The following GABRB3 variants were observed in gnomAD, a reference collection of about 807,000 sequenced individuals.
The protein encoded by GABRB3 is gamma-aminobutyric acid receptor subunit beta-3.
A neutral mutation model predicts 52.1 loss-of-function variants in GABRB3; 14 were observed. The ratio of observed to expected loss-of-function variants is 0.27; its 90% confidence interval spans 0.18 to 0.42. GABRB3 has a LOEUF of 0.42. Among genes scored for constraint, GABRB3 ranks in the 10% least tolerant of loss-of-function variants. GABRB3 has a pLI of 1.00. For synonymous variants in GABRB3, 260 were observed against 232.3 expected (o/e 1.12, Z -1.08); for missense variants, 307 against 609.1 (o/e 0.50, Z 5.22).
At chr15:26,658,988 T>C (rs1421255675) in intron 3 of GABRB3, among the ~76,000 whole-genome samples, 3 of 152,230 alleles carry the variant, frequency 2.0e-5, no homozygotes, top group African/African-American at 7.2e-5. Context: ...TTTCAGTCCC[T>C]GGAATTTGTT....
At chr15:26,685,088 C>T (rs1301327044) in intron 3 of GABRB3, among the ~76,000 whole-genome samples, 1 of 152,212 alleles carries the variant, frequency 6.6e-6, no homozygotes, top group Non-Finnish European at 1.5e-5. Flanking sequence ...TCAGATGACA[C>T]TGAAGCATAG....
intron 3 of GABRB3, among the ~76,000 whole-genome samples, chr15:26,736,198 C>A (rs931572323): frequency 4.6e-5 from 7 of 152,282 alleles, no homozygotes; most frequent in Admixed American, 3.9e-4. Flanking sequence ...ATGCAACTAA[C>A]CTGTGCACTT....
intron 3 of GABRB3, among the ~76,000 whole-genome samples, chr15:26,697,427 T>TG (rs1161994650): frequency 2.6e-5 from 4 of 152,138 alleles, no homozygotes. Context: ...CAATGACCAA[T>TG]GAGTCAATGT....
chr15:26,628,949 G>A lies in GABRB3; in HGVS notation c.241-7415C>T, dbSNP rs779419529. The A allele has an allele frequency of 2.7e-4, 413 of 1,534,680 alleles. 1 individual carries two copies. Among genetic ancestry groups the A allele is most frequent in the Non-Finnish European group, 2.6e-4 (295 of 1,145,574 alleles). ...AAGAGCGCCTCCACTCCTTGTGACT[G>A]CCGAGAGCCCGCGTCCCCGACTTTT... On this transcript the variant is annotated intron_variant, in intron 3 of 8. Coordinates refer to ENST00000311550, the MANE Select transcript of GABRB3 (RefSeq NM_000814.6).
At chr15:26,612,279 T>C (rs1379977623) in intron 4 of GABRB3, 1 of 151,992 alleles carries the variant, frequency 6.6e-6, no homozygotes, top group Non-Finnish European at 1.5e-5. Flanking sequence ...ATAAAAACAA[T>C]TGAAAATGAA....
At chr15:26,694,250 C>G (rs1888669994) in intron 3 of GABRB3, among the ~76,000 whole-genome samples, 1 of 152,172 alleles carries the variant, frequency 6.6e-6, no homozygotes, top group Non-Finnish European at 1.5e-5. Flanking sequence ...CAAATCTATT[C>G]TTCTTCTCTC....
At chr15:26,635,847 G>A (rs986349231) in intron 3 of GABRB3, among the ~76,000 whole-genome samples, 2 of 152,196 alleles carry the variant, frequency 1.3e-5, no homozygotes, top group African/African-American at 4.8e-5. Flanking sequence ...TATTTTTAGA[G>A]AGCAAGTCTA....
intron 3 of GABRB3, among the ~76,000 whole-genome samples, chr15:26,746,445 T>C (rs1890341355): frequency 6.6e-6 from 1 of 152,188 alleles, no homozygotes; most frequent in Non-Finnish European, 1.5e-5. Context: ...TTTGATGAGG[T>C]TCAGTCTACC....
chr15:26,772,261 C>G (rs763579672), intron 3 of GABRB3, 141 bp downstream of exon 3: 2 of 683,430 alleles, frequency 2.9e-6, no homozygotes, highest in Non-Finnish European at 4.7e-6. Flanking sequence ...GAGGGGCCGG[C>G]GCCTGGGAGC....
In GABRB3 at chr15:26,642,525, T is replaced by C. The variant is rs74004629; in HGVS notation, c.241-20991A>G. ...GAATCCTAGCTGTGCAGTTCCTGCA[T>C]AGCCTGCAAAGAAATGAGAAACATG... On this transcript the variant is annotated intron_variant, in intron 3 of 8. Coordinates refer to ENST00000311550, the MANE Select transcript of GABRB3 (RefSeq NM_000814.6). 4,839 of 1,283,430 alleles carry C rather than the reference T, an allele frequency of 3.8e-3. 173 individuals are homozygous for C. In the African/African-American group the frequency reaches 0.067, roughly 18 times the overall value. The allele number at this position is 1,283,430 out of a possible 1,614,324, so 79.5% of individuals were successfully genotyped here.
chr15:26,766,724 C>A (rs1298326943), intron 3 of GABRB3, among the ~76,000 whole-genome samples: 1 of 152,058 alleles, frequency 6.6e-6, no homozygotes, highest in Non-Finnish European at 1.5e-5. Flanking sequence ...TGCAACCTAC[C>A]AGATTTAACT....
chr15:26,624,215 T>G, intron 3 of GABRB3: 2 of 985,602 alleles, frequency 2.0e-6, no homozygotes, highest in Non-Finnish European at 2.4e-6. Flanking sequence ...TACCTTTCGC[T>G]GGTGTGGGCG....
At chr15:26,618,784 T>C (rs1169408012) in intron 4 of GABRB3, among the ~76,000 whole-genome samples, 1 of 152,002 alleles carries the variant, frequency 6.6e-6, no homozygotes, top group Non-Finnish European at 1.5e-5. Context: ...AAAGGGCTAA[T>C]ATCCAGAATC....
At chr15:26,589,814 T>C (rs1891126631) in intron 4 of GABRB3, among the ~76,000 whole-genome samples, 1 of 152,160 alleles carries the variant, frequency 6.6e-6, no homozygotes, top group Non-Finnish European at 1.5e-5. Flanking sequence ...GTAAGTGTCC[T>C]GTAAATATTC....
Position 26,629,095 on chromosome 15 carries a change from C to T in GABRB3, c.241-7561G>A. On this transcript the variant is annotated intron_variant, in intron 3 of 8. Transcript: ENST00000311550. ...CGCTAACCGGAAGTTGTGACTGTCG[C>T]TTCCTCTCCATCTCTGCTCTTTACA... 10 of 1,535,802 alleles carry T rather than the reference C, an allele frequency of 6.5e-6. No homozygotes were observed. In the South Asian group the frequency reaches 1.1e-4, roughly 16 times the overall value.
chr15:26,573,186 G>A (rs1890470380), intron 6 of GABRB3, among the ~76,000 whole-genome samples: 1 of 152,052 alleles, frequency 6.6e-6, no homozygotes, highest in African/African-American at 2.4e-5. Context: ...CTGCAGCCTG[G>A]GAAGCTTTGT....
At chr15:26,674,478 A>AAG (rs935182854) in intron 3 of GABRB3, among the ~76,000 whole-genome samples, 3 of 134,452 alleles carry the variant, frequency 2.2e-5, no homozygotes, top group African/African-American at 7.6e-5. Flanking sequence ...GAAAGAAAGA[A>AAG]AGAGAGAGAG....
intron 5 of GABRB3, among the ~76,000 whole-genome samples, chr15:26,582,387 T>A (rs915024952): frequency 6.6e-6 from 1 of 152,234 alleles, no homozygotes; most frequent in Non-Finnish European, 1.5e-5. Flanking sequence ...CTTAAGATCA[T>A]CCTTCAAATA....
At chr15:26,550,750 A>C (rs568652591) in intron 8 of GABRB3, among the ~76,000 whole-genome samples, 2 of 152,330 alleles carry the variant, frequency 1.3e-5, no homozygotes, top group South Asian at 4.1e-4. Context: ...CCAATACTTT[A>C]ATTTCAGCCT....
Sources: gnomAD v4.1 joint callset for allele counts (sites outside exome capture counted in the v4.1 genomes callset) on GRCh38, gnomAD v4.1.1 for gene constraint, MANE v1.5 for transcripts, NCBI Gene and HGNC (gene_info 2026-07-23, HGNC 2026-07-21) for gene names.